The following NXPH1 variants were observed in gnomAD, a reference collection of about 807,000 sequenced individuals.
The protein encoded by NXPH1 is neurexophilin 1.
In NXPH1, 5 loss-of-function variants were observed where a neutral mutation model predicts 23.7. The ratio of observed to expected loss-of-function variants is 0.21; its 90% CI spans 0.11 to 0.44. NXPH1 has a LOEUF of 0.44. Ranked by LOEUF, NXPH1 falls within the 20% of genes least tolerant of loss-of-function variation. NXPH1 has a pLI of 0.99. For synonymous variants in NXPH1, 144 were observed against 122.2 expected (o/e 1.18, Z -1.18); for missense variants, 324 against 321.6 (o/e 1.01, Z -0.06).
chr7:8,520,045 A>T (rs1453375795), intron 2 of NXPH1, among the ~76,000 whole-genome samples: 3 of 152,264 alleles, frequency 2.0e-5, no homozygotes, highest in African/African-American at 7.2e-5. Context: ...GATGCATAAT[A>T]TATATATTTT....
intron 2 of NXPH1, among the ~76,000 whole-genome samples, chr7:8,602,469 G>T (rs1202382825): frequency 1.3e-5 from 2 of 152,086 alleles, no homozygotes; most frequent in African/African-American, 4.8e-5. Context: ...TGGGTACTGG[G>T]TTCCTTTGTC....
At chr7:8,632,521 T>A (rs62447911) in intron 2 of NXPH1, among the ~76,000 whole-genome samples, 41,899 of 152,032 alleles carry the variant, frequency 0.28, 6,231 homozygotes, top group African/African-American at 0.35. Flanking sequence ...CCTTTGATTT[T>A]TCTCACTTAT....
chr7:8,537,174 G>T (rs771142676), intron 2 of NXPH1, among the ~76,000 whole-genome samples: 1 of 151,774 alleles, frequency 6.6e-6, no homozygotes, highest in Non-Finnish European at 1.5e-5. Flanking sequence ...ACGGATGAAC[G>T]GATGGATGAT....
intron 2 of NXPH1, among the ~76,000 whole-genome samples, chr7:8,588,819 G>A (rs1162118749): frequency 6.6e-6 from 1 of 152,114 alleles, no homozygotes; most frequent in African/African-American, 2.4e-5. Flanking sequence ...GACATGGACA[G>A]GGTGCTTAAA....
chr7:8,703,600 T>C (rs568670901), intron 2 of NXPH1, among the ~76,000 whole-genome samples: 23 of 152,168 alleles, frequency 1.5e-4, no homozygotes, highest in African/African-American at 5.3e-4. Context: ...AATTATTATC[T>C]ATGGTTGATT....
At chr7:8,697,433 G>T (rs1282115801) in intron 2 of NXPH1, among the ~76,000 whole-genome samples, 1 of 152,160 alleles carries the variant, frequency 6.6e-6, no homozygotes, top group Non-Finnish European at 1.5e-5. Flanking sequence ...TAGTGGCTCA[G>T]ACTGCAATAG....
intron 2 of NXPH1, among the ~76,000 whole-genome samples, chr7:8,455,278 T>C (rs1816575697): frequency 6.6e-6 from 1 of 152,164 alleles, no homozygotes; most frequent in Non-Finnish European, 1.5e-5. Flanking sequence ...TTGGCTTAAA[T>C]TAAAGAGCAA....
chr7:8,674,933 G>T (rs1263111645), intron 2 of NXPH1, among the ~76,000 whole-genome samples: 1 of 152,130 alleles, frequency 6.6e-6, no homozygotes, highest in African/African-American at 2.4e-5. Flanking sequence ...GCCCTTACTG[G>T]TGTAGACAGC....
intron 2 of NXPH1, among the ~76,000 whole-genome samples, chr7:8,640,661 C>T (rs1205528101): frequency 6.6e-6 from 1 of 152,102 alleles, no homozygotes; most frequent in Non-Finnish European, 1.5e-5. Flanking sequence ...TTATGAAGTT[C>T]TATCAGAAAT....
chr7:8,554,172 C>CA (rs5882172), intron 2 of NXPH1, among the ~76,000 whole-genome samples: 21 of 150,762 alleles, frequency 1.4e-4, no homozygotes, highest in Admixed American at 9.9e-4. Context: ...AAGAAAAAAG[C>CA]AAAAAAAATA....
At chr7:8,648,633 C>T (rs1820434988) in intron 2 of NXPH1, among the ~76,000 whole-genome samples, 1 of 152,110 alleles carries the variant, frequency 6.6e-6, no homozygotes, top group Admixed American at 6.5e-5. Context: ...CATGGGAGTG[C>T]CTTTTTATTA....
intron 2 of NXPH1, among the ~76,000 whole-genome samples, chr7:8,574,489 G>T (rs932055436): frequency 6.6e-6 from 1 of 152,066 alleles, no homozygotes; most frequent in African/African-American, 2.4e-5. Context: ...TCAATAGGTT[G>T]TCTCTTTCTG....
chr7:8,647,609 G>T (rs906435865), intron 2 of NXPH1, among the ~76,000 whole-genome samples: 1 of 151,962 alleles, frequency 6.6e-6, no homozygotes, highest in African/African-American at 2.4e-5. Flanking sequence ...ATCTCTAAAT[G>T]ATTTGGTAAG....
chr7:8,614,047 G>C (rs1819677820), intron 2 of NXPH1, among the ~76,000 whole-genome samples: 1 of 151,664 alleles, frequency 6.6e-6, no homozygotes, highest in Non-Finnish European at 1.5e-5. Flanking sequence ...TACTATTTCT[G>C]ATTTGTTTTA....
intron 2 of NXPH1, among the ~76,000 whole-genome samples, chr7:8,678,996 T>TG (rs1281127882): frequency 2.2e-4 from 30 of 136,994 alleles, no homozygotes; most frequent in Admixed American, 2.0e-3. Context: ...TCACCCAGGC[T>TG]GAGTGCAGTG....
intron 2 of NXPH1, among the ~76,000 whole-genome samples, chr7:8,731,669 G>A (rs1004284915): frequency 3.9e-5 from 6 of 152,154 alleles, no homozygotes; most frequent in East Asian, 3.9e-4. Flanking sequence ...CAGGGGTCAG[G>A]GAACCAGTTG....
chr7:8,528,669 C>T (rs1249579242), intron 2 of NXPH1, among the ~76,000 whole-genome samples: 1 of 152,172 alleles, frequency 6.6e-6, no homozygotes, highest in Non-Finnish European at 1.5e-5. Flanking sequence ...ATAAGGTTTA[C>T]TTTGTTGAAG....
rs560511186 is a variant in NXPH1, at chr7:8,493,737, C to T, written c.54+57970C>T. Among the ~76,000 whole-genome samples the T allele has an allele frequency of 6.6e-5, 10 of 152,052 alleles. No individual in the cohort carries two copies. The East Asian group carries it at 1.4e-3, about 21-fold the overall frequency. On this transcript the variant is annotated intron_variant, in intron 2 of 2. Transcript: ENST00000405863. ...AGATTGTATTGTCAAGAAAATGTTC[C>T]AGTGGCACATGGCCACTTTTTGTCT...
At chr7:8,459,108 G>A (rs1348548124) in intron 2 of NXPH1, among the ~76,000 whole-genome samples, 1 of 150,526 alleles carries the variant, frequency 6.6e-6, no homozygotes, top group Non-Finnish European at 1.5e-5. Context: ...TTCTTCCAAG[G>A]AGAAGGAGTT....
Sources: allele counts gnomAD v4.1 joint callset (sites outside exome capture counted in the v4.1 genomes callset), GRCh38; gene constraint gnomAD v4.1.1; transcripts MANE v1.5; gene names NCBI Gene and HGNC (gene_info 2026-07-23, HGNC 2026-07-21).